Variants in RYR2 observed in about 807,000 individuals in gnomAD.
RYR2 encodes the protein cardiac muscle ryanodine receptor-calcium release channel.
A neutral mutation model predicts 601.1 loss-of-function variants in RYR2; 227 were observed. The observed-to-expected ratio is 0.38, with a 90% CI of 0.34 to 0.42. The LOEUF (loss-of-function observed/expected upper bound fraction) is 0.42. RYR2 is among the 10% of genes least tolerant of loss of function. RYR2 has a pLI of 1.00. For missense variants in RYR2, 4,646 were observed against 6,156.5 expected (o/e 0.75, Z 8.21); for synonymous variants, 2,223 against 2,175.1 (o/e 1.02, Z -0.61).
chr1:237,169,318 G>A (rs1677072203), intron 1 of RYR2, among the ~76,000 whole-genome samples: 1 of 143,244 alleles, frequency 7.0e-6, no homozygotes, highest in Non-Finnish European at 1.5e-5. Flanking sequence ...CTTTTTTTTT[G>A]AGATGGAGTC....
intron 98 of RYR2, among the ~76,000 whole-genome samples, chr1:237,803,580 G>C (rs544934304): frequency 2.0e-5 from 3 of 152,144 alleles, no homozygotes; most frequent in Non-Finnish European, 4.4e-5. Context: ...GATTACAAGC[G>C]TGAGCCACCA....
chr1:237,721,686 T>C (rs1024259622), intron 73 of RYR2, among the ~76,000 whole-genome samples: 6 of 152,140 alleles, frequency 3.9e-5, no homozygotes, highest in African/African-American at 1.2e-4. Flanking sequence ...ACCCAGCTAA[T>C]TTTTTGTATT....
chr1:237,683,105 A>C (rs887700377), intron 62 of RYR2, among the ~76,000 whole-genome samples: 4 of 152,192 alleles, frequency 2.6e-5, no homozygotes, highest in African/African-American at 9.7e-5. Flanking sequence ...TGTATAGAAA[A>C]ATATTGGTAG....
intron 10 of RYR2, among the ~76,000 whole-genome samples, chr1:237,404,384 G>A (rs1279698410): frequency 6.6e-6 from 1 of 152,190 alleles, no homozygotes; most frequent in Non-Finnish European, 1.5e-5. Context: ...ATTAGATCCT[G>A]TTATAATAAG....
intron 1 of RYR2, among the ~76,000 whole-genome samples, chr1:237,260,014 G>A (rs1688365322): frequency 6.6e-6 from 1 of 152,156 alleles, no homozygotes; most frequent in Non-Finnish European, 1.5e-5. Context: ...CTGTGTATTG[G>A]TTTTTAGTTC....
intron 1 of RYR2, among the ~76,000 whole-genome samples, chr1:237,175,028 C>T (rs1158232167): frequency 2.0e-5 from 3 of 152,124 alleles, no homozygotes; most frequent in Admixed American, 1.3e-4. Flanking sequence ...GTTTGTAAAG[C>T]CTTAGTCTTG....
intron 29 of RYR2, among the ~76,000 whole-genome samples, chr1:237,582,269 ATT>A (rs34174618): frequency 0.29 from 42,370 of 147,428 alleles, 6,517 homozygotes; most frequent in East Asian, 0.61. Flanking sequence ...CACCCAGATA[ATT>A]TTTTTTTTTT....
intron 2 of RYR2, among the ~76,000 whole-genome samples, chr1:237,308,066 C>T (rs895664118): frequency 7.0e-6 from 1 of 143,146 alleles, no homozygotes; most frequent in African/African-American, 2.6e-5. Flanking sequence ...GCTGCATTCT[C>T]ATAAAGTCAG....
rs1657880816 is a variant in RYR2 at position 237,788,115 on chromosome 1, G to A, written c.13456G>A (p.Ala4486Thr). 1 of 1,610,998 alleles carries A rather than the reference G, an allele frequency of 6.2e-7. No individual in the cohort carries two copies. Among genetic ancestry groups the A allele is most frequent in the Admixed American group, 1.7e-5 (1 of 59,632 alleles). Residue 4486 changes from alanine to threonine, a missense_variant, in exon 92 of 105, where the codon GCA (alanine) becomes ACA (threonine). Ala to Thr is a moderately conservative substitution (Grantham distance 58). Coordinates refer to ENST00000366574, the MANE Select transcript of RYR2 (RefSeq NM_001035.3). ...GTCAGCATTCTGGAAGAAAATCATA[G>A]CATATCAACAGAAACTTCTAGTAAG... ...PESAFWKKII[A>T]YQQKLLNYFA...
intron 44 of RYR2, among the ~76,000 whole-genome samples, chr1:237,637,446 A>G (rs1314880741): frequency 6.6e-6 from 1 of 152,220 alleles, no homozygotes; most frequent in African/African-American, 2.4e-5. Flanking sequence ...TGCTAATTTC[A>G]TCAATACTGA....
intron 80 of RYR2, among the ~76,000 whole-genome samples, chr1:237,746,262 T>A (rs1450053991): frequency 6.6e-6 from 1 of 152,184 alleles, no homozygotes; most frequent in Non-Finnish European, 1.5e-5. Flanking sequence ...ATAATTCTTA[T>A]AACACATTAT....
At chr1:237,290,714 G>A (rs1205329395) in intron 2 of RYR2, among the ~76,000 whole-genome samples, 1 of 152,068 alleles carries the variant, frequency 6.6e-6, no homozygotes, top group Non-Finnish European at 1.5e-5. Context: ...CTCAGATTGG[G>A]AGAAGATATT....
intron 17 of RYR2, among the ~76,000 whole-genome samples, chr1:237,481,112 A>ATG (rs1207807419): frequency 0.023 from 1,542 of 67,244 alleles, 22 homozygotes; most frequent in East Asian, 0.11. Flanking sequence ...ATATACATAT[A>ATG]TATATATATA....
chr1:237,444,141 G>A (rs957912388), intron 13 of RYR2, among the ~76,000 whole-genome samples: 22 of 151,992 alleles, frequency 1.4e-4, no homozygotes, highest in African/African-American at 5.3e-4. Flanking sequence ...TTTATCTTTA[G>A]CCTGGTTTGT....
chr1:237,632,116 C>T (rs1440227575), intron 42 of RYR2, among the ~76,000 whole-genome samples: 1 of 151,730 alleles, frequency 6.6e-6, no homozygotes, highest in Non-Finnish European at 1.5e-5. Context: ...AAATTATTCT[C>T]TTTTAGGGGA....
At chr1:237,764,418 T>A (rs1693677214) in intron 84 of RYR2, among the ~76,000 whole-genome samples, 1 of 149,766 alleles carries the variant, frequency 6.7e-6, no homozygotes, top group Non-Finnish European at 1.5e-5. Flanking sequence ...TTTTTTTTTT[T>A]TTTTTTTTTT....
intron 1 of RYR2, chr1:237,121,089 C>A (rs1342867303): frequency 6.6e-6 from 1 of 151,956 alleles, no homozygotes; most frequent in Non-Finnish European, 1.5e-5. Flanking sequence ...GTTAGTGAGA[C>A]CACTGTAGGT....
chr1:237,447,085 A>G (rs9428377), intron 14 of RYR2, among the ~76,000 whole-genome samples: 15,934 of 152,230 alleles, frequency 0.1, 1,303 homozygotes, highest in African/African-American at 0.23. Context: ...TATTTAGTCA[A>G]CACTGACTTC....
Position 237,042,344 on chromosome 1 carries a change from G to A in RYR2, c.-178G>A. The A allele has an allele frequency of 2.3e-6, 1 of 432,246 alleles. No homozygotes were observed. The highest frequency in any genetic ancestry group is 3.5e-6 in the Non-Finnish European group (1 of 289,072). The allele number at this position is 432,246 out of a possible 1,614,324, so 26.8% of individuals were successfully genotyped here. Reference sequence around the variant, plus strand: ...GCGCCTCGACCACCCGCGCCCGAGCGTCCGCGCCTCCTCCTCCGCTCTGCA... The same window carrying A: ...GCGCCTCGACCACCCGCGCCCGAGCATCCGCGCCTCCTCCTCCGCTCTGCA... On this transcript the variant is annotated 5_prime_UTR_variant, in exon 1 of 105. Coordinates refer to ENST00000366574, the MANE Select transcript of RYR2 (RefSeq NM_001035.3).
Sources: allele counts gnomAD v4.1 joint callset (sites outside exome capture counted in the v4.1 genomes callset), GRCh38; gene constraint gnomAD v4.1.1; transcripts MANE v1.5; gene names NCBI Gene and HGNC (gene_info 2026-07-23, HGNC 2026-07-21).